Variants in ATP10D observed in about 807,000 individuals in gnomAD.
The protein encoded by ATP10D is phospholipid-transporting ATPase VD.
Under a neutral mutation model 144.8 loss-of-function variants are expected in ATP10D, and 89 were observed. The ratio of observed to expected loss-of-function variants is 0.61; its 90% CI spans 0.52 to 0.73. The LOEUF (loss-of-function observed/expected upper bound fraction) is 0.73, where lower values mean the gene tolerates loss of function less well. Ranked by LOEUF, ATP10D falls within the 30% of genes least tolerant of loss-of-function variation. ATP10D has a pLI of 0.00. For missense variants in ATP10D, 1,603 were observed against 1,714.8 expected, an observed-to-expected ratio of 0.93 and a Z score of 1.15; for synonymous variants, 571 against 615.1, an observed-to-expected ratio of 0.93 and a Z score of 1.06.
In ATP10D at chr4:47,577,120, T is replaced by C. The variant is rs1034013199; in HGVS notation, c.3567+147T>C. The C allele has an allele frequency of 9.7e-6, 7 of 720,842 alleles. No individual in the cohort carries two copies. In the Admixed American group the frequency reaches 1.4e-4, roughly 15 times the overall value. The allele number at this position is 720,842 out of a possible 1,614,324, so 44.7% of individuals were successfully genotyped here. A position where few individuals can be genotyped will look rare whatever the true frequency, so the allele number is the denominator to read the frequency against. ...AAGATCTCTACTTATGTGGCAGATATTCACTTACTTAACTTTGAGGTAAAT... is the reference window on the plus strand; with the variant it reads ...AAGATCTCTACTTATGTGGCAGATACTCACTTACTTAACTTTGAGGTAAAT... On this transcript the variant is annotated intron_variant, in intron 19 of 22. Coordinates refer to ENST00000273859, the MANE Select transcript of ATP10D (RefSeq NM_020453.4).
At position 47,546,734 on chromosome 4, in the gene ATP10D, A is replaced by T; in HGVS notation, c.1507A>T (p.Thr503Ser). 6.2e-7 allele frequency: 1 copy of T among 1,614,138 alleles called. No homozygotes were observed. Among genetic ancestry groups the T allele is most frequent in the Non-Finnish European group, 8.5e-7 (1 of 1,179,990 alleles). ...AAAACCGAGAGCCCCCAGCTGCAGG[A>T]CAGTTCATAATGGGCCTTTGGGAAA... ...MAKPRAPSCR[T>S]VHNGPLGNKP... The change falls in exon 10 of 23, where the codon ACA becomes TCA. Residue 503 changes from threonine (T) to serine (S), a missense_variant. Physicochemically the swap from Thr to Ser is moderately conservative, Grantham distance 58. Coordinates refer to ENST00000273859, the MANE Select transcript of ATP10D (RefSeq NM_020453.4).
At chr4:47,525,107 G>A (rs1251835825) in intron 4 of ATP10D, among the ~76,000 whole-genome samples, 1 of 152,010 alleles carries the variant, frequency 6.6e-6, no homozygotes, top group African/African-American at 2.4e-5. Flanking sequence ...AGATATTGAT[G>A]TCTAGTTTAT....
Position 47,592,262 on chromosome 4 carries a change from T to C in ATP10D, c.*881T>C, listed in dbSNP as rs1316969621. 6.6e-6 allele frequency: 1 copy of C among 152,578 alleles called. No homozygotes were observed. Among genetic ancestry groups the C allele is most frequent in the Admixed American group, 6.6e-5 (1 of 15,252 alleles). 9.5% of individuals were successfully genotyped at this position (152,578 alleles called of 1,614,324 possible). On this transcript the variant is annotated 3_prime_UTR_variant, in exon 23 of 23. Coordinates refer to ENST00000273859, the MANE Select transcript of ATP10D (RefSeq NM_020453.4). The stretch of plus-strand genomic sequence containing the variant: ...CAGTAGCCTGATCAAAGTGATACAA[T>C]CAATTTCAAAACAATCTTCCAGAGA...
At chr4:47,544,730 G>A (rs974454951) in intron 9 of ATP10D, among the ~76,000 whole-genome samples, 7 of 152,118 alleles carry the variant, frequency 4.6e-5, no homozygotes, top group Admixed American at 2.6e-4. Flanking sequence ...TGTCCTTAAA[G>A]AATACAGACA....
At chr4:47,559,595 G>A (rs1038531790) in intron 13 of ATP10D, among the ~76,000 whole-genome samples, 1 of 152,172 alleles carries the variant, frequency 6.6e-6, no homozygotes, top group Non-Finnish European at 1.5e-5. Flanking sequence ...AATTATTTGA[G>A]AGATGTTCTC....
intron 5 of ATP10D, among the ~76,000 whole-genome samples, chr4:47,535,276 A>G (rs1244301250): frequency 6.6e-6 from 1 of 151,680 alleles, no homozygotes; most frequent in East Asian, 1.9e-4. Context: ...CAATTTACCT[A>G]CATAGTAAAC....
At chr4:47,576,435 A>G (rs1180121121) in intron 18 of ATP10D, among the ~76,000 whole-genome samples, 12 of 152,198 alleles carry the variant, frequency 7.9e-5, no homozygotes, top group African/African-American at 2.4e-5. Context: ...TTAAATTAAC[A>G]TTCAGTTAAT....
chr4:47,533,329 G>A (rs1337312580), intron 5 of ATP10D, among the ~76,000 whole-genome samples: 2 of 152,138 alleles, frequency 1.3e-5, no homozygotes, highest in Non-Finnish European at 2.9e-5. Flanking sequence ...TAAACTCAAG[G>A]ATGCATCTGG....
chr4:47,563,512 T>A, intron 14 of ATP10D, 69 bp from the exon 15 acceptor site: 1 of 1,385,950 alleles, frequency 7.2e-7, no homozygotes, highest in South Asian at 1.4e-5. Context: ...ATGATTCAAC[T>A]GTAGACTAGC....
At chr4:47,580,587 G>A in intron 20 of ATP10D, 109 bp downstream of exon 20, 1 of 949,156 alleles carries the variant, frequency 1.1e-6, no homozygotes, top group Non-Finnish European at 1.7e-6. Context: ...ATATAATCAG[G>A]TTGATTATTA....
rs28367348 is a variant in ATP10D, at chr4:47,489,771, C to T, written c.-38+4252C>T. On this transcript the variant is annotated intron_variant, in intron 1 of 22. Coordinates refer to ENST00000273859, the MANE Select transcript of ATP10D (RefSeq NM_020453.4). ...GCTATTCTGCTCACATTCACTGTTT[C>T]GCCTCCACCTATTTTCTAAAATAAT... is the stretch of plus-strand genomic sequence containing the variant. Among the ~76,000 whole-genome samples the T allele has an allele frequency of 9.3e-4, 141 of 152,286 alleles. 2 individuals are homozygous for T. The highest frequency in any genetic ancestry group is 3.3e-3 in the African/African-American group (139 of 41,566).
At chr4:47,490,957 T>C in intron 1 of ATP10D, 1 of 555,688 alleles carries the variant, frequency 1.8e-6, no homozygotes, top group Non-Finnish European at 3.3e-6. Flanking sequence ...AGAAGTCTTT[T>C]ATTTTATTTA....
In ATP10D at chr4:47,512,620, C is replaced by T; in HGVS notation, c.80C>T (p.Pro27Leu). 6.2e-7 allele frequency: 1 copy of T among 1,614,158 alleles called. No homozygotes were observed. The change falls in exon 2 of 23, where the codon CCA becomes CTA. Residue 27 changes from proline (P) to leucine (L), a missense_variant. Transcript: ENST00000273859. ...RGATRDDDSG[P>L]YNYSSLLACG... ...GCAACCAGGGATGATGATTCAGGGC[C>T]ATACAACTATTCCTCGTTGCTCGCC...
intron 5 of ATP10D, among the ~76,000 whole-genome samples, chr4:47,529,150 T>C (rs2109417162): frequency 6.6e-6 from 1 of 152,322 alleles, no homozygotes; most frequent in East Asian, 1.9e-4. Context: ...TTCAATTAAA[T>C]ATGATTTGTC....
chr4:47,526,337 G>A (rs1717242552), intron 5 of ATP10D, among the ~76,000 whole-genome samples: 1 of 152,106 alleles, frequency 6.6e-6, no homozygotes, highest in South Asian at 2.1e-4. Flanking sequence ...AAAACTAGGT[G>A]GTCATCTCAT....
intron 1 of ATP10D, among the ~76,000 whole-genome samples, chr4:47,492,437 A>G (rs1449533878): frequency 6.6e-6 from 1 of 152,328 alleles, no homozygotes; most frequent in South Asian, 2.1e-4. Context: ...GGTATTTATC[A>G]TGAATCTATT....
At chr4:47,506,152 GT>G (rs1451058221) in intron 1 of ATP10D, among the ~76,000 whole-genome samples, 1 of 152,092 alleles carries the variant, frequency 6.6e-6, no homozygotes, top group Non-Finnish European at 1.5e-5. Flanking sequence ...TAGAAATAAT[GT>G]AATTTTACAT....
chr4:47,555,854 A>C (rs1718965901), intron 11 of ATP10D, among the ~76,000 whole-genome samples: 1 of 151,864 alleles, frequency 6.6e-6, no homozygotes, highest in Admixed American at 6.6e-5. Flanking sequence ...CCCAGGTTCA[A>C]GCAATTCTTC....
In ATP10D at chr4:47,568,894, G is replaced by T; in HGVS notation, c.2911G>T (p.Ala971Ser). The change falls in exon 16 of 23, where the codon GCC becomes TCC. Residue 971 changes from alanine (A) to serine (S), a missense_variant. By Grantham distance (99) the Ala-to-Ser change is moderately conservative (BLOSUM62 1). Coordinates refer to ENST00000273859, the MANE Select transcript of ATP10D (RefSeq NM_020453.4). ...GAAAGAACTTCAGAAGAAAACTCAA[G>T]CCCTGCCAGAGCAAGTGTCATTAAG... ...ILKELQKKTQALPEQVSLSED... is the reference protein window; with the variant it reads ...ILKELQKKTQSLPEQVSLSED... 1 of 1,614,168 alleles carries T rather than the reference G, an allele frequency of 6.2e-7. No homozygotes were observed.
Sources: allele counts gnomAD v4.1 joint callset (sites outside exome capture counted in the v4.1 genomes callset), GRCh38; gene constraint gnomAD v4.1.1; transcripts MANE v1.5; gene names NCBI Gene and HGNC (gene_info 2026-07-23, HGNC 2026-07-21).